Variants in CEACAM5 observed in about 807,000 individuals in gnomAD.
The protein encoded by CEACAM5 is cell adhesion molecule CEACAM5.
A neutral mutation model predicts 63.0 loss-of-function variants in CEACAM5; 52 were observed. That is an observed-to-expected ratio of 0.83 (90% CI 0.66 to 1.04). CEACAM5 has a LOEUF of 1.04. CEACAM5 is among the 50% of genes least tolerant of loss of function. The pLI is 0.00. For synonymous variants in CEACAM5, 357 were observed against 351.3 expected, an observed-to-expected ratio of 1.02 and a Z score of -0.18; for missense variants, 790 against 864.8, an observed-to-expected ratio of 0.91 and a Z score of 1.08.
intron 1 of CEACAM5, among the ~76,000 whole-genome samples, chr19:41,709,304 G>C (rs117222609): frequency 0.023 from 3,552 of 152,280 alleles, 65 homozygotes; most frequent in Admixed American, 0.061. Context: ...GTCAGGTGTT[G>C]ACAAGAGCCC....
At chr19:41,709,216 C>A (rs1555813447) in intron 1 of CEACAM5, among the ~76,000 whole-genome samples, 1 of 152,210 alleles carries the variant, frequency 6.6e-6, no homozygotes, top group African/African-American at 2.4e-5. Flanking sequence ...CAACCAAGAT[C>A]ACACAAATCC....
intron 8 of CEACAM5, among the ~76,000 whole-genome samples, chr19:41,721,377 G>A (rs2072619333): frequency 6.6e-6 from 1 of 152,192 alleles, no homozygotes; most frequent in African/African-American, 2.4e-5. Flanking sequence ...GGCTGACCTC[G>A]GGTCCAGCCT....
chr19:41,727,467 C>G (rs1398021087), intron 9 of CEACAM5, 115 bp downstream of exon 9: 1 of 672,104 alleles, frequency 1.5e-6, no homozygotes, highest in East Asian at 2.5e-5. Flanking sequence ...CCTCCTACCC[C>G]CAAGCTCCTG....
In CEACAM5 at chr19:41,712,361, C is replaced by T. The variant is rs528189408; in HGVS notation, c.424+2322C>T. On this transcript the variant is annotated intron_variant, in intron 2 of 9. Transcript: ENST00000221992. ...GACTGAGAAGTGAACCAGCCACTGGCGTCTCACTTAGACTCTACCCAGTTA... is the reference window on the plus strand; with the variant it reads ...GACTGAGAAGTGAACCAGCCACTGGTGTCTCACTTAGACTCTACCCAGTTA... Among the ~76,000 whole-genome samples the T allele has an allele frequency of 5.3e-5, 8 of 152,328 alleles. No individual in the cohort carries two copies. The South Asian group carries it at 1.0e-3, about 20-fold the overall frequency.
intron 9 of CEACAM5, among the ~76,000 whole-genome samples, chr19:41,728,973 G>A (rs2072737376): frequency 6.6e-6 from 1 of 152,062 alleles, no homozygotes; most frequent in African/African-American, 2.4e-5. Context: ...CAAATCATTA[G>A]TGATGTTAAA....
In CEACAM5 at chr19:41,729,872, T is replaced by C. The variant is rs1415713656; in HGVS notation, c.*725T>C. 1 of 152,254 alleles carries C rather than the reference T, an allele frequency of 6.6e-6. No homozygotes were observed. Among genetic ancestry groups the C allele is most frequent in the Non-Finnish European group, 1.5e-5 (1 of 68,042 alleles). 9.4% of individuals were successfully genotyped at this position (152,254 alleles called of 1,614,324 possible). The stretch of plus-strand genomic sequence containing the variant: ...ACTATTCATGAATATTTATATTGTA[T>C]GGTAATATAGTTATTGCACAAGTTC... On this transcript the variant is annotated 3_prime_UTR_variant, in exon 10 of 10. Transcript: ENST00000221992.
At chr19:41,716,886 G>A (rs892185439) in intron 4 of CEACAM5, among the ~76,000 whole-genome samples, 2 of 152,080 alleles carry the variant, frequency 1.3e-5, no homozygotes, top group African/African-American at 4.8e-5. Flanking sequence ...ATGAAACTCT[G>A]TTCCCATCAA....
intron 8 of CEACAM5, among the ~76,000 whole-genome samples, chr19:41,723,946 CAAAAAAA>C (rs35830094): frequency 9.6e-6 from 1 of 103,868 alleles, no homozygotes; most frequent in African/African-American, 3.4e-5. Context: ...GAGACTCTGT[CAAAAAAA>C]AAAAAAAAAA....
intron 8 of CEACAM5, among the ~76,000 whole-genome samples, chr19:41,726,915 A>G (rs1055540332): frequency 3.3e-5 from 5 of 152,224 alleles, no homozygotes; most frequent in Admixed American, 2.6e-4. Flanking sequence ...ACCACAACTG[A>G]GACACTGAGA....
intron 9 of CEACAM5, among the ~76,000 whole-genome samples, chr19:41,728,831 TAC>T (rs1368760000): frequency 6.9e-6 from 1 of 143,970 alleles, no homozygotes; most frequent in Non-Finnish European, 1.5e-5. Flanking sequence ...TTTTTCAACA[TAC>T]GTAAGCCTAT....
intron 8 of CEACAM5, among the ~76,000 whole-genome samples, chr19:41,725,994 A>G (rs1245212683): frequency 2.0e-5 from 3 of 152,186 alleles, no homozygotes; most frequent in Admixed American, 6.5e-5. Context: ...TGAGCCTTCA[A>G]TTCTTCAACT....
At chr19:41,719,802 C>T (rs947272813) in intron 6 of CEACAM5, 128 bp from the exon 7 acceptor site, 7 of 1,512,564 alleles carry the variant, frequency 4.6e-6, no homozygotes, top group Non-Finnish European at 4.5e-6. Context: ...TTGTGATACA[C>T]ACACCTGCCA....
chr19:41,725,568 T>C (rs2072689345), intron 8 of CEACAM5, among the ~76,000 whole-genome samples: 1 of 152,108 alleles, frequency 6.6e-6, no homozygotes, highest in Non-Finnish European at 1.5e-5. Context: ...ACACTGTGTC[T>C]GCCTATGTTG....
intron 4 of CEACAM5, 45 bp from the exon 5 acceptor site, chr19:41,717,410 T>C (rs1555815229): frequency 6.3e-7 from 1 of 1,579,324 alleles, no homozygotes; most frequent in Admixed American, 1.7e-5. Context: ...CGTGGAGGAA[T>C]CACAGGTGCC....
At chr19:41,711,342 GC>G in intron 2 of CEACAM5, among the ~76,000 whole-genome samples, 1 of 152,226 alleles carries the variant, frequency 6.6e-6, no homozygotes, top group Admixed American at 6.5e-5. Context: ...AAAGGACTTC[GC>G]TTTCTCTCCC....
intron 2 of CEACAM5, among the ~76,000 whole-genome samples, chr19:41,712,275 C>A (rs1190131392): frequency 6.6e-6 from 1 of 152,220 alleles, no homozygotes; most frequent in Non-Finnish European, 1.5e-5. Flanking sequence ...AGGTTTGCTG[C>A]CCATTCCACA....
chr19:41,724,799 T>G (rs2072674834), intron 8 of CEACAM5, among the ~76,000 whole-genome samples: 1 of 152,244 alleles, frequency 6.6e-6, no homozygotes, highest in South Asian at 2.1e-4. Flanking sequence ...GTACAACTGA[T>G]GTTTGCGTGT....
Position 41,708,803 on chromosome 19 carries a change from G to A in CEACAM5, c.64+8G>A. On this transcript the variant is annotated splice_region_variant and intron_variant, in intron 1 of 9. Transcript: ENST00000221992. ...AGAGGCTCCTGCTCACAGGTGAAGG[G>A]AGGACAACCTGGGAGAGGGTGGGAG... The A allele has an allele frequency of 1.9e-6, 3 of 1,609,826 alleles. No homozygotes were observed. The highest frequency in any genetic ancestry group is 2.5e-6 in the Non-Finnish European group (3 of 1,177,824).
rs1555813352 is a variant in CEACAM5 at position 41,708,796 on chromosome 19, G to A, written c.64+1G>A. Reference sequence around the variant, plus strand: ...CCCTGGCAGAGGCTCCTGCTCACAGGTGAAGGGAGGACAACCTGGGAGAGG... The same window carrying A: ...CCCTGGCAGAGGCTCCTGCTCACAGATGAAGGGAGGACAACCTGGGAGAGG... On this transcript the variant is annotated splice_donor_variant, in intron 1 of 9. Transcript: ENST00000221992. LOFTEE classifies it high-confidence loss of function. 6.2e-7 allele frequency: 1 copy of A among 1,610,676 alleles called. No homozygotes were observed. Among genetic ancestry groups the A allele is most frequent in the South Asian group, 1.1e-5 (1 of 90,582 alleles).
Sources: gnomAD v4.1 joint callset for allele counts (sites outside exome capture counted in the v4.1 genomes callset) on GRCh38, gnomAD v4.1.1 for gene constraint, MANE v1.5 for transcripts, NCBI Gene and HGNC (gene_info 2026-07-23, HGNC 2026-07-21) for gene names.